Variants in AP1B1 observed in about 807,000 individuals in gnomAD.
AP1B1 encodes the protein adaptor related protein complex 1 subunit beta 1, also known as AP-1 complex subunit beta-1.
A neutral mutation model predicts 104.3 loss-of-function variants in AP1B1; 36 were observed. The ratio of observed to expected loss-of-function variants is 0.35; its 90% CI spans 0.26 to 0.46. The LOEUF is 0.46. Ranked by LOEUF, AP1B1 falls within the 20% of genes least tolerant of loss-of-function variation. AP1B1 has a pLI of 1.00. For missense variants in AP1B1, 901 were observed against 1,247.9 expected, an observed-to-expected ratio of 0.72 and a Z score of 4.19; for synonymous variants, 504 against 517.5, an observed-to-expected ratio of 0.97 and a Z score of 0.35.
intron 1 of AP1B1, among the ~76,000 whole-genome samples, chr22:29,385,099 G>T (rs1422354097): frequency 6.6e-6 from 1 of 151,226 alleles, no homozygotes; most frequent in Non-Finnish European, 1.5e-5. Context: ...ATAAAGAGTT[G>T]GGAGGCCAGG....
chr22:29,342,643 G>A (rs983033730), intron 11 of AP1B1, among the ~76,000 whole-genome samples: 1 of 152,206 alleles, frequency 6.6e-6, no homozygotes, highest in Non-Finnish European at 1.5e-5. Context: ...GCCAGGGGCC[G>A]CTGCCCAGCC....
intron 11 of AP1B1, among the ~76,000 whole-genome samples, 170 bp downstream of exon 11, chr22:29,349,048 T>C (rs1253497963): frequency 6.6e-6 from 1 of 152,224 alleles, no homozygotes; most frequent in East Asian, 1.9e-4. Context: ...CCGACTCGAC[T>C]GTACTGCAGT....
chr22:29,329,619 G>T, intron 22 of AP1B1, 93 bp downstream of exon 22: 1 of 1,585,678 alleles, frequency 6.3e-7, no homozygotes, highest in African/African-American at 1.3e-5. Flanking sequence ...GCCAAGAGAT[G>T]AGGTGCAGAC....
intron 1 of AP1B1, among the ~76,000 whole-genome samples, chr22:29,385,219 T>C (rs1483501005): frequency 6.6e-6 from 1 of 152,050 alleles, no homozygotes; most frequent in Non-Finnish European, 1.5e-5. Flanking sequence ...ACTCCATCTC[T>C]ACAAAAAATA....
intron 1 of AP1B1, among the ~76,000 whole-genome samples, chr22:29,372,125 A>G (rs1390421101): frequency 6.6e-6 from 1 of 152,134 alleles, no homozygotes; most frequent in Admixed American, 6.6e-5. Flanking sequence ...TTTTAGAATT[A>G]AAGAAAGGGA....
chr22:29,349,843 G>A (rs536633821), intron 10 of AP1B1, among the ~76,000 whole-genome samples, 192 bp downstream of exon 10: 21 of 152,254 alleles, frequency 1.4e-4, no homozygotes, highest in African/African-American at 4.6e-4. Context: ...TCTGTCACAC[G>A]TTAGCCCTTA....
rs1424399693 is a variant in AP1B1 at position 29,354,712 on chromosome 22, C to G, written c.876G>C (p.Leu292=). 1.9e-6 allele frequency: 3 copies of G among 1,614,106 alleles called. No individual in the cohort carries two copies. Among genetic ancestry groups the G allele is most frequent in the Admixed American group, 1.7e-5 (1 of 60,012 alleles). ...KKLAPPLVTL[L]SAEPELQYVA... ...CATACTGCAGCTCTGGCTCGGCTGA[C>G]AGCAGTGTGACCAGGGGTGGGGCCA... The change falls in exon 7 of 23, where the codon CTG becomes CTC. Residue 292 remains leucine (L), a synonymous_variant. Coordinates refer to ENST00000357586, the MANE Select transcript of AP1B1 (RefSeq NM_001127.4).
At chr22:29,382,118 G>A (rs532331152) in intron 1 of AP1B1, among the ~76,000 whole-genome samples, 1 of 152,204 alleles carries the variant, frequency 6.6e-6, no homozygotes, top group South Asian at 2.1e-4. Flanking sequence ...GTGCAGGGGT[G>A]TGATCATAGC....
In AP1B1 at chr22:29,339,224, G is replaced by A. The variant is rs2061679065; in HGVS notation, c.2020-91C>T. 6.1e-6 allele frequency: 9 copies of A among 1,472,962 alleles called. No homozygotes were observed. The East Asian group carries it at 2.0e-4, about 33-fold the overall frequency. 91.2% of individuals were successfully genotyped at this position (1,472,962 alleles called of 1,614,324 possible). On this transcript the variant is annotated intron_variant, in intron 15 of 22. Transcript: ENST00000357586. Reference sequence around the variant, plus strand: ...AGTAGAGCCACCTGGCTCTTTAGAAGACACTGGGGGCAGGGGGCAGGACAG... The same window carrying A: ...AGTAGAGCCACCTGGCTCTTTAGAAAACACTGGGGGCAGGGGGCAGGACAG...
intron 17 of AP1B1, chr22:29,333,400 A>T (rs1172017822): frequency 6.6e-6 from 1 of 152,346 alleles, no homozygotes; most frequent in Non-Finnish European, 1.5e-5. Flanking sequence ...CTCTGCCACA[A>T]TGGGGAGGCT....
intron 6 of AP1B1, among the ~76,000 whole-genome samples, chr22:29,355,986 C>A (rs945172976): frequency 6.6e-6 from 1 of 152,220 alleles, no homozygotes; most frequent in African/African-American, 2.4e-5. Context: ...TGAGCCCCAG[C>A]CAGGGGACCT....
intron 1 of AP1B1, among the ~76,000 whole-genome samples, chr22:29,367,668 G>A (rs2062166600): frequency 6.6e-6 from 1 of 151,904 alleles, no homozygotes; most frequent in Non-Finnish European, 1.5e-5. Context: ...AGGATGGATG[G>A]GCTTACAGCA....
chr22:29,383,565 C>T (rs962690991), intron 1 of AP1B1, among the ~76,000 whole-genome samples: 8 of 151,718 alleles, frequency 5.3e-5, no homozygotes, highest in Admixed American at 1.3e-4. Flanking sequence ...AAAAATTAGC[C>T]GGGCGTGGTG....
rs1282487191 is a variant in AP1B1 at position 29,372,172 on chromosome 22, G to A, written c.-27-4902C>T. 3.9e-5 allele frequency among the ~76,000 whole-genome samples: 6 copies of A among 152,046 alleles called. No individual in the cohort carries two copies. The South Asian group carries it at 1.2e-3, about 31-fold the overall frequency. On this transcript the variant is annotated intron_variant, in intron 1 of 22. Transcript: ENST00000357586. ...GCATGGTGGCTCACGCCTGTAATCC[G>A]AGCAGTTTGGGAGGTCCAGGTGGGC... is the stretch of plus-strand genomic sequence containing the variant.
chr22:29,387,401 G>T (rs1602846287), intron 1 of AP1B1, among the ~76,000 whole-genome samples: 1 of 149,790 alleles, frequency 6.7e-6, no homozygotes, highest in East Asian at 2.0e-4. Context: ...TCCACCTCCT[G>T]GGTTCAAGCG....
chr22:29,336,484 G>A (rs1345976068), intron 16 of AP1B1, among the ~76,000 whole-genome samples: 1 of 152,152 alleles, frequency 6.6e-6, no homozygotes, highest in Non-Finnish European at 1.5e-5. Context: ...CCTTCACGAA[G>A]ACAAAGCAGG....
chr22:29,359,636 T>A (rs1261208385), intron 4 of AP1B1, 188 bp downstream of exon 4: 2 of 654,696 alleles, frequency 3.1e-6, no homozygotes, highest in Non-Finnish European at 5.0e-6. Flanking sequence ...TTACGCAGGG[T>A]CCTTAGCATC....
Position 29,340,791 on chromosome 22 carries a change from G to C in AP1B1, c.1863C>G (p.Val621=). ...TGAPPGEQPD[V]IPAQGDLLGD... is the part of the protein sequence containing the mutation. ...CCAGCAGGTCGCCCTGGGCGGGGATGACATCTGGCTGCTCCCCAGGAGGTG... is the reference window on the plus strand; with the variant it reads ...CCAGCAGGTCGCCCTGGGCGGGGATCACATCTGGCTGCTCCCCAGGAGGTG... The change falls in exon 14 of 23, where the codon GTC becomes GTG. Residue 621 remains valine, a synonymous_variant. Coordinates refer to ENST00000357586, the MANE Select transcript of AP1B1 (RefSeq NM_001127.4). 6.2e-7 allele frequency: 1 copy of C among 1,600,920 alleles called. No homozygotes were observed. The highest frequency in any genetic ancestry group is 1.3e-5 in the African/African-American group (1 of 74,990).
At chr22:29,381,795 G>T (rs2062440701) in intron 1 of AP1B1, among the ~76,000 whole-genome samples, 1 of 151,908 alleles carries the variant, frequency 6.6e-6, no homozygotes, top group Admixed American at 6.6e-5. Flanking sequence ...CAGAAGGTGG[G>T]GGGCTCTGGC....
Sources: gnomAD v4.1 joint callset for allele counts (sites outside exome capture counted in the v4.1 genomes callset) on GRCh38, gnomAD v4.1.1 for gene constraint, MANE v1.5 for transcripts, NCBI Gene and HGNC (gene_info 2026-07-23, HGNC 2026-07-21) for gene names.